PLOD2: variants seen among roughly 807,000 people sequenced by gnomAD.
The protein encoded by PLOD2 is lysine hydroxylase 2.
PLOD2 carries 65 observed loss-of-function variants against 101.0 expected under a neutral mutation model. The ratio of observed to expected loss-of-function variants is 0.64; its 90% confidence interval spans 0.53 to 0.79. PLOD2 has a LOEUF of 0.79. Among genes scored for constraint, PLOD2 ranks in the 30% least tolerant of loss-of-function variants. The pLI, the probability that PLOD2 is intolerant of heterozygous loss-of-function variation, is 0.00. For synonymous variants in PLOD2, 314 were observed against 302.9 expected, an observed-to-expected ratio of 1.04 and a Z score of -0.38; for missense variants, 909 against 914.6, an observed-to-expected ratio of 0.99 and a Z score of 0.08.
chr3:146,085,536 G>T (rs1936737231), intron 10 of PLOD2: 1 of 502,158 alleles, frequency 2.0e-6, no homozygotes, highest in African/African-American at 2.0e-5. Flanking sequence ...ATATTTTAAG[G>T]CATAAAACAT....
intron 7 of PLOD2, among the ~76,000 whole-genome samples, chr3:146,102,224 C>T (rs1002096777): frequency 1.3e-5 from 2 of 152,122 alleles, no homozygotes; most frequent in Non-Finnish European, 2.9e-5. Flanking sequence ...ATAAATTTTG[C>T]AGTCAATAAC....
intron 5 of PLOD2, chr3:146,105,126 G>A (rs1437914216): frequency 6.6e-6 from 1 of 152,176 alleles, no homozygotes; most frequent in African/African-American, 2.4e-5. Flanking sequence ...CTCCCTAACA[G>A]CCTTGTGCTC....
intron 1 of PLOD2, 38 bp downstream of exon 1, chr3:146,160,843 G>GTT (rs1220171905): frequency 7.4e-7 from 1 of 1,353,184 alleles, no homozygotes; most frequent in African/African-American, 1.4e-5. Flanking sequence ...CCCGCCGGCC[G>GTT]AGCCTCGCGG....
chr3:146,071,346 T>TA lies in PLOD2; in HGVS notation c.1925dup (p.Trp643MetfsTer37). The TA allele has an allele frequency of 6.2e-7, 1 of 1,612,258 alleles. No individual in the cohort carries two copies. The highest frequency in any genetic ancestry group is 8.5e-7 in the Non-Finnish European group (1 of 1,178,758). ...TGAACTCCCGGATAAAATGAAGCCA[T>TA]ACATTCTCCAGATCAACTTGCTTCA... is the stretch of plus-strand genomic sequence containing the variant. On this transcript the variant is annotated frameshift_variant, in exon 18 of 20. Transcript: ENST00000282903. LOFTEE classifies it high-confidence loss of function.
chr3:146,130,833 A>G (rs181259346), intron 1 of PLOD2, among the ~76,000 whole-genome samples: 191 of 152,312 alleles, frequency 1.3e-3, no homozygotes, highest in Middle Eastern at 6.8e-3. Flanking sequence ...GAAAAGAGAT[A>G]GCAACTTAAG....
chr3:146,126,411 TTC>T (rs1450010376), intron 1 of PLOD2, among the ~76,000 whole-genome samples: 89 of 152,266 alleles, frequency 5.8e-4, no homozygotes, highest in Middle Eastern at 3.4e-3. Flanking sequence ...AATTCAAGAA[TTC>T]AACCATCTCA....
At chr3:146,157,864 T>C (rs905883636) in intron 1 of PLOD2, among the ~76,000 whole-genome samples, 4 of 152,174 alleles carry the variant, frequency 2.6e-5, no homozygotes, top group Non-Finnish European at 5.9e-5. Flanking sequence ...CTTGCTCTTT[T>C]CCTCTCCACC....
intron 13 of PLOD2, among the ~76,000 whole-genome samples, chr3:146,078,199 C>T (rs1936411262): frequency 6.6e-6 from 1 of 151,664 alleles, no homozygotes; most frequent in Non-Finnish European, 1.5e-5. Context: ...ACACATAAGA[C>T]AACGGAAAAA....
intron 1 of PLOD2, among the ~76,000 whole-genome samples, chr3:146,140,455 C>T (rs998860462): frequency 6.6e-6 from 1 of 152,088 alleles, no homozygotes. Flanking sequence ...CCCCAACAAT[C>T]CTCACTCATT....
At chr3:146,160,193 T>C (rs1183657199) in intron 1 of PLOD2, among the ~76,000 whole-genome samples, 1 of 152,180 alleles carries the variant, frequency 6.6e-6, no homozygotes, top group East Asian at 1.9e-4. Context: ...GGTGAAACTC[T>C]CTTTAATCTG....
intron 3 of PLOD2, among the ~76,000 whole-genome samples, chr3:146,112,727 T>C (rs1937701482): frequency 2.0e-5 from 3 of 151,866 alleles, no homozygotes; most frequent in Non-Finnish European, 2.9e-5. Flanking sequence ...GATGTGCGCC[T>C]GTAATCCCAG....
chr3:146,077,924 T>A lies in PLOD2; in HGVS notation c.1501A>T (p.Thr501Ser). 1 of 1,585,412 alleles carries A rather than the reference T, an allele frequency of 6.3e-7. No individual in the cohort carries two copies. The highest frequency in any genetic ancestry group is 1.1e-5 in the South Asian group (1 of 90,376). ...GGGGAGTCTTTTTCCCTTTGTAAAG[T>A]CTAAAATGAAGAGAAGCATTGGGTA... ...MALCRNAREM[T>S]LQREKDSPTP... The change falls in exon 14 of 20, where the codon ACT becomes TCT. Residue 501 changes from threonine (T) to serine (S), a missense_variant and splice_region_variant. By Grantham distance (58) the Thr-to-Ser change is moderately conservative. Coordinates refer to ENST00000282903, the MANE Select transcript of PLOD2 (RefSeq NM_182943.3).
Position 146,073,344 on chromosome 3 carries a change from CT to C in PLOD2, c.1685del (p.Lys562ArgfsTer5). On this transcript the variant is annotated frameshift_variant, in exon 16 of 20. Coordinates refer to ENST00000282903, the MANE Select transcript of PLOD2 (RefSeq NM_182943.3). LOFTEE classifies it high-confidence loss of function. ...WQIFENPVDW[K>X]EKYINRDYSK... ...AATAATCACGGTTTATATACTTTTC[CT>C]TCCAGTCCTATAAAAAGAAGTACAT... 8.6e-7 allele frequency: 1 copy of C among 1,163,352 alleles called. No individual in the cohort carries two copies. Among genetic ancestry groups the C allele is most frequent in the Non-Finnish European group, 1.3e-6 (1 of 798,104 alleles). The allele number at this position is 1,163,352 out of a possible 1,614,324, so 72.1% of individuals were successfully genotyped here. A position where few individuals can be genotyped will look rare whatever the true frequency, so the allele number is the denominator to read the frequency against.
chr3:146,105,322 T>G (rs1385017045), intron 5 of PLOD2: 1 of 152,170 alleles, frequency 6.6e-6, no homozygotes, highest in Admixed American at 6.5e-5. Context: ...CTCTTAGGGA[T>G]TTCATTATCA....
chr3:146,160,426 C>A (rs2032516765), intron 1 of PLOD2, among the ~76,000 whole-genome samples: 1 of 152,118 alleles, frequency 6.6e-6, no homozygotes, highest in East Asian at 1.9e-4. Context: ...GGAGGTGTTA[C>A]CGGCTGCTTC....
At chr3:146,097,129 G>C (rs1476437837) in intron 7 of PLOD2, among the ~76,000 whole-genome samples, 1 of 149,854 alleles carries the variant, frequency 6.7e-6, no homozygotes, top group Non-Finnish European at 1.5e-5. Flanking sequence ...AGGGAGGTGG[G>C]GGGGTCAGCC....
chr3:146,149,914 C>T (rs952399547), intron 1 of PLOD2, among the ~76,000 whole-genome samples: 109 of 151,852 alleles, frequency 7.2e-4, no homozygotes, highest in Non-Finnish European at 7.4e-4. Context: ...CACCTGGAAA[C>T]AGTAGGAAAA....
In PLOD2 at chr3:146,077,024, T is replaced by A; in HGVS notation, c.1564-129A>T. ...CATTTATGAACATGCATTTTTAGTATTCATATAAAATGTGCATAGTTTAAA... is the reference window on the plus strand; with the variant it reads ...CATTTATGAACATGCATTTTTAGTAATCATATAAAATGTGCATAGTTTAAA... On this transcript the variant is annotated intron_variant, in intron 14 of 19. Coordinates refer to ENST00000282903, the MANE Select transcript of PLOD2 (RefSeq NM_182943.3). 2.3e-6 allele frequency: 3 copies of A among 1,294,440 alleles called. No homozygotes were observed. The East Asian group carries it at 8.1e-5, about 35-fold the overall frequency. 80.2% of individuals were successfully genotyped at this position (1,294,440 alleles called of 1,614,324 possible). A position where few individuals can be genotyped will look rare whatever the true frequency, so the allele number is the denominator to read the frequency against.
In PLOD2 at chr3:146,095,097, C is replaced by T. The variant is rs935348223; in HGVS notation, c.778-3196G>A. Among the ~76,000 whole-genome samples, 5 of 152,204 alleles carry T rather than the reference C, an allele frequency of 3.3e-5. No individual in the cohort carries two copies. In the East Asian group the frequency reaches 9.7e-4, roughly 29 times the overall value. On this transcript the variant is annotated intron_variant, in intron 7 of 19. Coordinates refer to ENST00000282903, the MANE Select transcript of PLOD2 (RefSeq NM_182943.3). The stretch of plus-strand genomic sequence containing the variant: ...AGATGGATTAAAGGCAAACCTAAAA[C>T]CTAAAACTATAAAAACCCTAGATGA...
Sources: gnomAD v4.1 joint callset for allele counts (sites outside exome capture counted in the v4.1 genomes callset) on GRCh38, gnomAD v4.1.1 for gene constraint, MANE v1.5 for transcripts, NCBI Gene and HGNC (gene_info 2026-07-23, HGNC 2026-07-21) for gene names.